Variants in TENM3 observed in about 807,000 individuals in gnomAD.
TENM3 encodes the protein teneurin-3.
A neutral mutation model predicts 255.1 loss-of-function variants in TENM3; 63 were observed. That is an observed-to-expected ratio of 0.25 (90% confidence interval 0.20 to 0.30). The LOEUF (loss-of-function observed/expected upper bound fraction) is 0.30. Among genes scored for constraint, TENM3 ranks in the 10% least tolerant of loss-of-function variants. The pLI, the probability that TENM3 is intolerant of heterozygous loss-of-function variation, is 1.00. For synonymous variants in TENM3, 1,306 were observed against 1,322.3 expected (o/e 0.99, Z 0.27); for missense variants, 2,929 against 3,461.1 (o/e 0.85, Z 3.86).
chr4:182,030,015 T>A, the TENM3 span, among the ~76,000 whole-genome samples: 1 of 146,950 alleles, frequency 6.8e-6, no homozygotes, highest in East Asian at 2.0e-4. Context: ...TTTCTTTTTT[T>A]TTTTTGGTCT....
the TENM3 span, among the ~76,000 whole-genome samples, chr4:181,942,852 G>A: frequency 2.0e-5 from 3 of 152,192 alleles, no homozygotes; most frequent in South Asian, 4.2e-4. Context: ...AAGGTACTTA[G>A]CATTATAGTT....
chr4:182,269,406 T>C (rs1488781526), intron 1 of TENM3, among the ~76,000 whole-genome samples: 1 of 152,186 alleles, frequency 6.6e-6, no homozygotes, highest in Non-Finnish European at 1.5e-5. Flanking sequence ...TACTGGACAG[T>C]TGGCCAAGGG....
At position 182,800,086 on chromosome 4, in the gene TENM3, C is replaced by G. The variant is rs1164414352; in HGVS notation, c.7835C>G (p.Thr2612Ser). Residue 2612 changes from threonine (T) to serine (S), a missense_variant, in exon 28 of 28, where the codon ACC becomes AGC. Physicochemically the swap from Thr to Ser is moderately conservative, Grantham distance 58 (BLOSUM62 1). Around this residue, in one of 6 missense-constraint regions of TENM3, gnomAD observed 476 missense variants for 480.1 expected, o/e 0.99. Transcript: ENST00000511685. ...ALALHVRYGM[T>S]LDEEKARILE... ...GCGCTGCACGTGCGCTACGGCATGACCCTGGACGAGGAGAAGGCGCGCATC... is the reference window on the plus strand; with the variant it reads ...GCGCTGCACGTGCGCTACGGCATGAGCCTGGACGAGGAGAAGGCGCGCATC... The G allele has an allele frequency of 4.4e-6, 7 of 1,590,990 alleles. No homozygotes were observed. The highest frequency in any genetic ancestry group is 1.4e-5 in the African/African-American group (1 of 73,946).
the TENM3 span, among the ~76,000 whole-genome samples, chr4:181,682,252 C>G: frequency 6.6e-6 from 1 of 152,178 alleles, no homozygotes; most frequent in Non-Finnish European, 1.5e-5. Flanking sequence ...AACGCAAAAT[C>G]TCATTAAGCC....
At chr4:181,747,060 G>A in the TENM3 span, among the ~76,000 whole-genome samples, 3 of 151,946 alleles carry the variant, frequency 2.0e-5, no homozygotes, top group Non-Finnish European at 4.4e-5. Context: ...GGGCAAGTGC[G>A]TTTAAAATTT....
intron 1 of TENM3, among the ~76,000 whole-genome samples, chr4:182,289,996 C>CCCGCT (rs1761009166): frequency 6.6e-6 from 1 of 152,106 alleles, no homozygotes; most frequent in Non-Finnish European, 1.5e-5. Context: ...CCAAGTCACT[C>CCCGCT]CCGCTCGTGC....
chr4:181,752,944 G>C, the TENM3 span, among the ~76,000 whole-genome samples: 12 of 152,152 alleles, frequency 7.9e-5, no homozygotes, highest in African/African-American at 2.9e-4. Context: ...TTTACCTGCT[G>C]TCACTCACAC....
chr4:181,906,643 C>T, the TENM3 span, among the ~76,000 whole-genome samples: 11 of 152,104 alleles, frequency 7.2e-5, no homozygotes, highest in Non-Finnish European at 1.6e-4. Context: ...CCAATAGGGC[C>T]AAGCCATATT....
chr4:182,682,666 C>G (rs1173373364), intron 11 of TENM3, among the ~76,000 whole-genome samples: 1 of 151,978 alleles, frequency 6.6e-6, no homozygotes, highest in African/African-American at 2.4e-5. Flanking sequence ...ATCATCATGA[C>G]CTAGTATAAG....
At chr4:182,118,100 G>T in the TENM3 span, among the ~76,000 whole-genome samples, 1 of 151,926 alleles carries the variant, frequency 6.6e-6, no homozygotes, top group Non-Finnish European at 1.5e-5. Context: ...TATTAAACTT[G>T]TTTCTTGTAA....
the TENM3 span, among the ~76,000 whole-genome samples, chr4:181,868,689 G>T: frequency 1.3e-5 from 2 of 152,108 alleles, no homozygotes; most frequent in African/African-American, 4.8e-5. Flanking sequence ...GATTAAATTG[G>T]TAATTAATAT....
chr4:182,739,461 A>G (rs937590578), intron 18 of TENM3, among the ~76,000 whole-genome samples: 1 of 152,192 alleles, frequency 6.6e-6, no homozygotes, highest in African/African-American at 2.4e-5. Flanking sequence ...ACCATATCAT[A>G]CTAGTACTCT....
the TENM3 span, among the ~76,000 whole-genome samples, chr4:181,466,903 C>G: frequency 0.41 from 60,998 of 150,212 alleles, 13,225 homozygotes; most frequent in Non-Finnish European, 0.49. Flanking sequence ...AACAGTGGGT[C>G]CTCCTTGTCA....
chr4:182,121,643 A>G, the TENM3 span, among the ~76,000 whole-genome samples: 9 of 152,338 alleles, frequency 5.9e-5, no homozygotes, highest in South Asian at 1.9e-3. Context: ...AACAATGTAC[A>G]TACCTTAAGT....
intron 13 of TENM3, among the ~76,000 whole-genome samples, chr4:182,727,250 G>A (rs1760276973): frequency 6.6e-6 from 1 of 152,104 alleles, no homozygotes; most frequent in African/African-American, 2.4e-5. Flanking sequence ...GAGGTCTGGA[G>A]TTCGAGATGA....
the TENM3 span, among the ~76,000 whole-genome samples, chr4:181,873,852 T>C: frequency 3.9e-5 from 6 of 152,242 alleles, no homozygotes; most frequent in Non-Finnish European, 7.4e-5. Context: ...TGGCATGATC[T>C]TGGCTCACTG....
At position 182,441,759 on chromosome 4, in the gene TENM3, C is replaced by G. The variant is rs190299138; in HGVS notation, c.511+94830C>G. On this transcript the variant is annotated intron_variant, in intron 3 of 27. Coordinates refer to ENST00000511685, the MANE Select transcript of TENM3 (RefSeq NM_001080477.4). Reference sequence around the variant, plus strand: ...GATCTGCCTGCCTCGAACTCCTGACCTTGTGATCTGCCCACCTCTGACTCC... The same window carrying G: ...GATCTGCCTGCCTCGAACTCCTGACGTTGTGATCTGCCCACCTCTGACTCC... 2.6e-5 allele frequency among the ~76,000 whole-genome samples: 4 copies of G among 152,282 alleles called. No homozygotes were observed. The East Asian group carries it at 7.7e-4, about 29-fold the overall frequency.
At chr4:182,628,543 A>G in intron 4 of TENM3, 108 bp from the exon 5 acceptor site, 1 of 701,116 alleles carries the variant, frequency 1.4e-6, no homozygotes, top group Non-Finnish European at 2.4e-6. Context: ...ATTCTTTTAA[A>G]AAAGAGAGAG....
intron 3 of TENM3, among the ~76,000 whole-genome samples, chr4:182,455,686 C>T (rs1773821911): frequency 6.6e-6 from 1 of 151,264 alleles, no homozygotes; most frequent in African/African-American, 2.4e-5. Flanking sequence ...CTCAGCCTCC[C>T]GAGTAGCTGG....
Sources: gnomAD v4.1 joint callset for allele counts (sites outside exome capture counted in the v4.1 genomes callset) on GRCh38, gnomAD v4.1.1 for gene constraint, gnomAD v4.1.1 regional missense constraint, MANE v1.5 for transcripts, NCBI Gene and HGNC (gene_info 2026-07-23, HGNC 2026-07-21) for gene names.